CPVL: variants seen among roughly 807,000 people sequenced by gnomAD.
The protein encoded by CPVL is probable serine carboxypeptidase CPVL.
A neutral mutation model predicts 63.7 loss-of-function variants in CPVL; 51 were observed. The observed-to-expected ratio is 0.80, with a 90% CI of 0.64 to 1.01. The LOEUF is 1.01. Ranked by LOEUF, CPVL falls within the 50% of genes least tolerant of loss-of-function variation. The pLI is 0.00. For missense variants in CPVL, 530 were observed against 573.1 expected (o/e 0.92, Z 0.77); for synonymous variants, 195 against 206.0 (o/e 0.95, Z 0.46).
intron 2 of CPVL, among the ~76,000 whole-genome samples, chr7:29,117,964 G>A (rs530277526): frequency 6.6e-6 from 1 of 152,166 alleles, no homozygotes; most frequent in African/African-American, 2.4e-5. Flanking sequence ...AACCGACAGG[G>A]ATAGGTTCCT....
chr7:29,112,866 T>C (rs369418151), intron 2 of CPVL, 44 bp from the exon 3 acceptor site: 1 of 1,332,388 alleles, frequency 7.5e-7, no homozygotes, highest in Non-Finnish European at 1.1e-6. Flanking sequence ...CAGAAAACAA[T>C]AACAACAAAA....
intron 5 of CPVL, among the ~76,000 whole-genome samples, chr7:29,093,619 T>A (rs73302181): frequency 0.08 from 12,250 of 152,224 alleles, 617 homozygotes; most frequent in Middle Eastern, 0.14. Flanking sequence ...GAACTGCAAA[T>A]TCAAAAGAAA....
At chr7:29,064,691 T>C (rs1047877019) in intron 10 of CPVL, among the ~76,000 whole-genome samples, 2 of 152,116 alleles carry the variant, frequency 1.3e-5, no homozygotes, top group African/African-American at 4.8e-5. Context: ...TGTTCTGCTG[T>C]TTATTAAAAC....
intron 11 of CPVL, among the ~76,000 whole-genome samples, chr7:29,055,091 A>G (rs1790593284): frequency 2.0e-5 from 3 of 152,032 alleles, no homozygotes; most frequent in Admixed American, 6.6e-5. Context: ...TGCCTTGGCT[A>G]TCTTTCTCTC....
At chr7:29,040,256 T>G (rs527725625) in intron 11 of CPVL, among the ~76,000 whole-genome samples, 36 of 152,140 alleles carry the variant, frequency 2.4e-4, no homozygotes, top group Admixed American at 2.4e-3. Flanking sequence ...ACCAGTGCCT[T>G]CCCCCTAAGC....
At chr7:29,032,821 TG>T (rs765368026) in intron 11 of CPVL, among the ~76,000 whole-genome samples, 17 of 152,258 alleles carry the variant, frequency 1.1e-4, no homozygotes, top group Non-Finnish European at 1.9e-4. Context: ...ATCAATGTGA[TG>T]TTTTTTTCAT....
intron 1 of CPVL, among the ~76,000 whole-genome samples, chr7:29,125,672 C>G (rs2190644): frequency 1.3e-5 from 2 of 151,032 alleles, no homozygotes; most frequent in Non-Finnish European, 3.0e-5. Flanking sequence ...GGATTACAGG[C>G]GTGAGCCACC....
chr7:29,156,264 A>G (rs1794358864), intron 5 of CPVL, among the ~76,000 whole-genome samples: 1 of 152,220 alleles, frequency 6.6e-6, no homozygotes, highest in Admixed American at 6.5e-5. Context: ...TTGCAAAGTA[A>G]TTACATCTTA....
chr7:29,094,904 C>A (rs539656573), intron 5 of CPVL, among the ~76,000 whole-genome samples, 180 bp downstream of exon 5: 1 of 151,424 alleles, frequency 6.6e-6, no homozygotes, highest in Non-Finnish European at 1.5e-5. Context: ...TGCCAAACTC[C>A]GATATGATTA....
intron 1 of CPVL, among the ~76,000 whole-genome samples, chr7:29,132,484 T>C (rs907784571): frequency 9.9e-5 from 15 of 152,100 alleles, no homozygotes; most frequent in African/African-American, 3.4e-4. Flanking sequence ...TATGGGTACA[T>C]TTGGATAAAC....
intron 9 of CPVL, among the ~76,000 whole-genome samples, chr7:29,068,070 T>G (rs979386398): frequency 2.6e-5 from 4 of 151,022 alleles, no homozygotes; most frequent in Non-Finnish European, 5.9e-5. Flanking sequence ...AGTGGTGAGA[T>G]CTCAGCTCAC....
At chr7:28,996,648 T>C (rs762217277) in intron 12 of CPVL, among the ~76,000 whole-genome samples, 2 of 151,920 alleles carry the variant, frequency 1.3e-5, no homozygotes, top group East Asian at 1.9e-4. Flanking sequence ...TTTCCTAATA[T>C]TGGATTATAA....
chr7:29,169,880 G>GTGTA lies in CPVL; in HGVS notation c.-11+11409_-11+11410insTACA, dbSNP rs148266761. Among the ~76,000 whole-genome samples the GTGTA allele has an allele frequency of 1.5e-3, 224 of 150,026 alleles. 1 individual carries two copies. Among genetic ancestry groups the GTGTA allele is most frequent in the African/African-American group, 5.0e-3 (204 of 40,454 alleles). ...TATATACGTGTGTGTGTGTGTGTGT[G>GTGTA]TATATATATATGTATATACAGGTTG... On this transcript the variant is annotated intron_variant, in intron 5 of 16. Coordinates refer to the CPVL transcript ENST00000409850.
intron 1 of CPVL, chr7:29,193,702 C>G (rs1250291066): frequency 6.6e-6 from 1 of 152,174 alleles, no homozygotes; most frequent in East Asian, 1.9e-4. Context: ...GTGCTCGAGT[C>G]TCTTTCTCTC....
intron 4 of CPVL, among the ~76,000 whole-genome samples, chr7:29,181,860 AG>A (rs553673957): frequency 1.3e-5 from 2 of 151,980 alleles, no homozygotes; most frequent in South Asian, 2.1e-4. Flanking sequence ...CTAATTCCTA[AG>A]GGGGGGAAAA....
chr7:29,184,322 TCATA>T (rs893366985), intron 4 of CPVL: 6 of 151,678 alleles, frequency 4.0e-5, no homozygotes, highest in Admixed American at 2.6e-4. Flanking sequence ...ATCTCATATC[TCATA>T]CATCTATGTA....
At chr7:29,101,169 A>G (rs535270215) in intron 3 of CPVL, among the ~76,000 whole-genome samples, 1 of 152,272 alleles carries the variant, frequency 6.6e-6, no homozygotes, top group Non-Finnish European at 1.5e-5. Flanking sequence ...TGCAATACTT[A>G]AGACCGAATG....
chr7:29,154,771 G>A (rs551485879), intron 5 of CPVL, among the ~76,000 whole-genome samples: 3 of 152,312 alleles, frequency 2.0e-5, no homozygotes, highest in Admixed American at 6.5e-5. Flanking sequence ...GAAGGCAGAG[G>A]TTGCAGTGAA....
At chr7:29,017,551 T>C (rs1369399250) in intron 12 of CPVL, among the ~76,000 whole-genome samples, 1 of 152,212 alleles carries the variant, frequency 6.6e-6, no homozygotes, top group Admixed American at 6.5e-5. Context: ...GAGAATCACT[T>C]GCACCTGGGA....
Sources: gnomAD v4.1 joint callset for allele counts (sites outside exome capture counted in the v4.1 genomes callset) on GRCh38, gnomAD v4.1.1 for gene constraint, MANE v1.5 for transcripts, NCBI Gene and HGNC (gene_info 2026-07-23, HGNC 2026-07-21) for gene names.